The following GLYATL2 variants were observed in gnomAD, a reference collection of about 807,000 sequenced individuals.
GLYATL2 encodes the protein glycine-N-acyltransferase like 2, also known as glycine N-acyltransferase-like protein 2.
A neutral mutation model predicts 21.4 loss-of-function variants in GLYATL2; 25 were observed. The observed-to-expected ratio is 1.17, with a 90% CI of 0.85 to 1.63. GLYATL2 has a LOEUF of 1.63. GLYATL2 is among the 40% of genes most tolerant of loss of function. GLYATL2 has a pLI of 0.00. For synonymous variants in GLYATL2, 114 were observed against 118.2 expected, an observed-to-expected ratio of 0.96 and a Z score of 0.23; for missense variants, 361 against 343.3, an observed-to-expected ratio of 1.05 and a Z score of -0.41.
chr11:58,866,197 C>G (rs1222461111), intron 1 of GLYATL2, among the ~76,000 whole-genome samples: 1 of 148,956 alleles, frequency 6.7e-6, no homozygotes, highest in Non-Finnish European at 1.5e-5. Flanking sequence ...CAAGATTCCA[C>G]TTTGGTGTCA....
upstream of GLYATL2, among the ~76,000 whole-genome samples, chr11:58,845,022 G>C (rs1380986942): frequency 6.6e-6 from 1 of 152,144 alleles, no homozygotes; most frequent in African/African-American, 2.4e-5. Flanking sequence ...GGCATTGTAA[G>C]TTTAAGAAGA....
chr11:58,860,930 A>G (rs1853919762), intron 1 of GLYATL2, among the ~76,000 whole-genome samples: 1 of 152,026 alleles, frequency 6.6e-6, no homozygotes, highest in Admixed American at 6.5e-5. Flanking sequence ...CTATCTTTGC[A>G]TCCCTATGTT....
At chr11:58,891,038 C>T (rs574421803) in intron 1 of GLYATL2, among the ~76,000 whole-genome samples, 10 of 152,096 alleles carry the variant, frequency 6.6e-5, no homozygotes, top group Non-Finnish European at 1.3e-4. Context: ...TGGCCATTTT[C>T]GGTCACTCCT....
At position 58,838,355 on chromosome 11, in the gene GLYATL2, A is replaced by G; in HGVS notation, c.92T>C (p.Ile31Thr). 4 of 1,609,952 alleles carry G rather than the reference A, an allele frequency of 2.5e-6. No homozygotes were observed. Among genetic ancestry groups the G allele is most frequent in the Non-Finnish European group, 3.4e-6 (4 of 1,176,540 alleles). Residue 31 changes from isoleucine (I) to threonine (T), a missense_variant, in exon 3 of 6, where the codon ATT becomes ACT. Ile to Thr is a moderately conservative substitution (Grantham distance 89). Transcript: ENST00000287275. Reference protein sequence around the residue: ...IPESIKVYGAIFNIKDKNPFN... With the variant: ...IPESIKVYGATFNIKDKNPFN... ...AGGGTTTTTATCTTTTATGTTGAAA[A>G]TGGCGCCATATACCTACGATGCAAC...
intron 1 of GLYATL2, among the ~76,000 whole-genome samples, chr11:58,900,719 A>G (rs1197057629): frequency 6.6e-6 from 1 of 152,090 alleles, no homozygotes; most frequent in Admixed American, 6.5e-5. Flanking sequence ...TCTTCAGCCA[A>G]CACATGTCCC....
chr11:58,898,460 T>A (rs569522938), intron 1 of GLYATL2, among the ~76,000 whole-genome samples: 1 of 148,486 alleles, frequency 6.7e-6, no homozygotes, highest in African/African-American at 2.4e-5. Context: ...GCCAGATTGT[T>A]TTTAACTCAC....
Position 58,855,130 on chromosome 11 carries a change from G to T in GLYATL2, n.61-16762C>A, listed in dbSNP as rs182763699. Among the ~76,000 whole-genome samples the T allele has an allele frequency of 1.4e-3, 214 of 152,290 alleles. 1 individual carries two copies. Among genetic ancestry groups the T allele is most frequent in the African/African-American group, 4.9e-3 (203 of 41,558 alleles). ...CCATGGATCATGAATGTTTTAAATG[G>T]CATATGGAATGGAAAATCCTTCCAA... is the stretch of plus-strand genomic sequence containing the variant. On this transcript the variant is annotated intron_variant and non_coding_transcript_variant, in intron 1 of 4. Transcript: ENST00000533636.
At chr11:58,865,148 G>GAA (rs201558425) in intron 1 of GLYATL2, among the ~76,000 whole-genome samples, 2,495 of 33,568 alleles carry the variant, frequency 0.074, 198 homozygotes, top group Non-Finnish European at 0.19. Context: ...AAGTAGTTCT[G>GAA]CAAAAAAAAG....
chr11:58,875,172 C>T (rs1017052325), intron 1 of GLYATL2, among the ~76,000 whole-genome samples: 4 of 152,066 alleles, frequency 2.6e-5, no homozygotes, highest in Non-Finnish European at 4.4e-5. Flanking sequence ...TTATTTTGGG[C>T]CTATGTGTGT....
chr11:58,874,237 C>A (rs1030975031), intron 1 of GLYATL2, among the ~76,000 whole-genome samples: 4 of 152,092 alleles, frequency 2.6e-5, no homozygotes, highest in African/African-American at 9.7e-5. Flanking sequence ...TTTCAAAAAA[C>A]CAGCTCCTGG....
At position 58,871,884 on chromosome 11, in the gene GLYATL2, G is replaced by C. The variant is rs141622255; in HGVS notation, n.60+32272C>G. Among the ~76,000 whole-genome samples the C allele has an allele frequency of 2.3e-3, 353 of 152,314 alleles. 3 individuals carry two copies. Among genetic ancestry groups the C allele is most frequent in the African/African-American group, 7.1e-3 (297 of 41,574 alleles). ...ACTGTCTTCCACAATGGTTGAACTAGTTGACAGTCCCACCAGCGGTGTAAA... is the reference window on the plus strand; with the variant it reads ...ACTGTCTTCCACAATGGTTGAACTACTTGACAGTCCCACCAGCGGTGTAAA... On this transcript the variant is annotated intron_variant and non_coding_transcript_variant, in intron 1 of 4. Coordinates refer to the GLYATL2 transcript ENST00000533636.
chr11:58,866,159 C>T (rs2134598879), intron 1 of GLYATL2, among the ~76,000 whole-genome samples: 1 of 149,216 alleles, frequency 6.7e-6, no homozygotes, highest in African/African-American at 2.4e-5. Flanking sequence ...AGTACCTAAA[C>T]ATCCCCTTTC....
chr11:58,871,477 C>T (rs1038654077), intron 1 of GLYATL2, among the ~76,000 whole-genome samples: 1 of 139,920 alleles, frequency 7.1e-6, no homozygotes, highest in Non-Finnish European at 1.5e-5. Context: ...TGTTCCCCTT[C>T]CTGTGTCCAT....
intron 1 of GLYATL2, among the ~76,000 whole-genome samples, chr11:58,903,134 A>C (rs1458121307): frequency 6.6e-6 from 1 of 152,166 alleles, no homozygotes; most frequent in African/African-American, 2.4e-5. Flanking sequence ...ATGATGAGCA[A>C]ATGAAGAGGA....
chr11:58,867,467 C>T (rs1161154383), intron 1 of GLYATL2, among the ~76,000 whole-genome samples: 1 of 148,772 alleles, frequency 6.7e-6, no homozygotes, highest in East Asian at 2.3e-4. Context: ...GCCCAAATGG[C>T]TCTCATAGGT....
At chr11:58,894,792 A>G (rs972980215) in intron 1 of GLYATL2, among the ~76,000 whole-genome samples, 3 of 152,206 alleles carry the variant, frequency 2.0e-5, no homozygotes, top group Admixed American at 1.3e-4. Context: ...CTAAACTAAG[A>G]CCTGGCTGAT....
rs1260242658 is a variant in GLYATL2, at chr11:58,898,481, TC to T, written n.60+5674del. 2.2e-3 allele frequency among the ~76,000 whole-genome samples: 154 copies of T among 68,712 alleles called. 1 individual carries two copies. Among genetic ancestry groups the T allele is most frequent in the Middle Eastern group, 0.011 (1 of 90 alleles). 45.1% of individuals were successfully genotyped at this position (68,712 alleles called of 152,430 possible). On this transcript the variant is annotated intron_variant and non_coding_transcript_variant, in intron 1 of 4. Transcript: ENST00000533636. Reference sequence around the variant, plus strand: ...TTGTTTTTAACTCACTATTGTTTCCTCTTTTTTTTTTTTTTATCTGCTCTTA... The same window carrying T: ...TTGTTTTTAACTCACTATTGTTTCCTTTTTTTTTTTTTTTATCTGCTCTTA...
At position 58,859,722 on chromosome 11, in the gene GLYATL2, G is replaced by GT. The variant is rs574395594; in HGVS notation, n.61-21355dup. Among the ~76,000 whole-genome samples the GT allele has an allele frequency of 4.6e-3, 692 of 152,058 alleles. 25 individuals are homozygous for GT. Among genetic ancestry groups the GT allele is most frequent in the Non-Finnish European group, 5.9e-4 (40 of 67,960 alleles). ...TAATATCAGGAAGCTTTTCTCCTGT[G>GT]TTTTTTTCTAGTGGTTTTGCAGTCT... On this transcript the variant is annotated intron_variant and non_coding_transcript_variant, in intron 1 of 4. Transcript: ENST00000533636.
At chr11:58,885,748 G>C (rs1037957485) in intron 1 of GLYATL2, among the ~76,000 whole-genome samples, 2 of 152,214 alleles carry the variant, frequency 1.3e-5, no homozygotes, top group Non-Finnish European at 2.9e-5. Context: ...AAGGGGTGGA[G>C]GGGGAAGGGG....
Sources: gnomAD v4.1 joint callset for allele counts (sites outside exome capture counted in the v4.1 genomes callset) on GRCh38, gnomAD v4.1.1 for gene constraint, MANE v1.5 for transcripts, NCBI Gene and HGNC (gene_info 2026-07-23, HGNC 2026-07-21) for gene names.